The following FBXO11 variants were observed in gnomAD, a reference collection of about 807,000 sequenced individuals.
FBXO11 encodes F-box protein 11.
A neutral mutation model predicts 117.0 loss-of-function variants in FBXO11; 13 were observed. The observed-to-expected ratio is 0.11, with a 90% confidence interval of 0.07 to 0.18. FBXO11 has a LOEUF of 0.18. Ranked by LOEUF, FBXO11 falls within the 10% of genes least tolerant of loss-of-function variation. The pLI is 1.00. For synonymous variants in FBXO11, 490 were observed against 380.5 expected (o/e 1.29, Z -3.35); for missense variants, 767 against 1,164.4 (o/e 0.66, Z 4.97).
At chr2:47,904,798 ATATT>A (rs978476548) in intron 1 of FBXO11, among the ~76,000 whole-genome samples, 1 of 151,936 alleles carries the variant, frequency 6.6e-6, no homozygotes, top group Non-Finnish European at 1.5e-5. Flanking sequence ...GATGGATTCT[ATATT>A]TATTTATTTA....
chr2:47,818,338 T>A (rs1222639412), intron 16 of FBXO11: 1 of 154,890 alleles, frequency 6.5e-6, no homozygotes, highest in Non-Finnish European at 1.4e-5. Flanking sequence ...AGCCAGTATA[T>A]GATCATTAGT....
Position 47,845,621 on chromosome 2 carries a change from C to A in FBXO11, c.233-5852G>T, listed in dbSNP as rs554974487. Among the ~76,000 whole-genome samples the A allele has an allele frequency of 6.6e-4, 100 of 152,148 alleles. No individual in the cohort carries two copies. The Middle Eastern group carries it at 0.01, about 16-fold the overall frequency. On this transcript the variant is annotated intron_variant, in intron 1 of 22. Transcript: ENST00000403359. ...AACTCCTGTAGTACTGAATATATAC[C>A]GTATATACCTTACTATACCTTAGCT...
At chr2:47,875,072 C>G (rs550824233) in intron 1 of FBXO11, among the ~76,000 whole-genome samples, 80 of 152,150 alleles carry the variant, frequency 5.3e-4, no homozygotes, top group African/African-American at 1.9e-3. Flanking sequence ...TGCTCAATTT[C>G]ACTATCATTA....
At chr2:47,817,811 G>A (rs1398660920) in intron 16 of FBXO11, among the ~76,000 whole-genome samples, 4 of 152,322 alleles carry the variant, frequency 2.6e-5, no homozygotes, top group Middle Eastern at 3.4e-3. Context: ...TATCTTGGGC[G>A]CAGTTAATGG....
At chr2:47,810,660 G>A (rs577251863) in intron 18 of FBXO11, 6 of 400,090 alleles carry the variant, frequency 1.5e-5, no homozygotes, top group Non-Finnish European at 2.7e-5. Context: ...CTCCATGATA[G>A]CAGGGTCCAT....
intron 1 of FBXO11, among the ~76,000 whole-genome samples, chr2:47,888,362 T>C (rs1238598377): frequency 6.6e-6 from 1 of 152,188 alleles, no homozygotes; most frequent in Non-Finnish European, 1.5e-5. Flanking sequence ...TCCTTCTATT[T>C]CAAACATTCT....
rs952391395 is a variant in FBXO11, at chr2:47,820,291, C to T, written c.1797+71G>A. ...AAGTTGAATATGGCCTACCTAAAAGCTTGAGGAGAAACCCTTTATCCCCCT... is the reference window on the plus strand; with the variant it reads ...AAGTTGAATATGGCCTACCTAAAAGTTTGAGGAGAAACCCTTTATCCCCCT... On this transcript the variant is annotated intron_variant, in intron 14 of 22. Coordinates refer to ENST00000403359, the MANE Select transcript of FBXO11 (RefSeq NM_001190274.2). 54 of 1,203,548 alleles carry T rather than the reference C, an allele frequency of 4.5e-5. No individual in the cohort carries two copies. The Middle Eastern group carries it at 9.8e-4, about 22-fold the overall frequency. 74.6% of individuals were successfully genotyped at this position (1,203,548 alleles called of 1,614,324 possible).
intron 1 of FBXO11, among the ~76,000 whole-genome samples, chr2:47,853,605 A>G (rs1389474794): frequency 6.6e-6 from 1 of 152,148 alleles, no homozygotes; most frequent in Non-Finnish European, 1.5e-5. Flanking sequence ...GTTATCTTGC[A>G]TAAGTACCTT....
chr2:47,866,946 T>C (rs1265477964), intron 1 of FBXO11, among the ~76,000 whole-genome samples: 1 of 152,230 alleles, frequency 6.6e-6, no homozygotes, highest in African/African-American at 2.4e-5. Context: ...TTGTGTTCTC[T>C]GGCATCTTTT....
chr2:47,821,339 G>A (rs543064611), intron 13 of FBXO11, among the ~76,000 whole-genome samples: 7 of 152,194 alleles, frequency 4.6e-5, no homozygotes, highest in African/African-American at 9.6e-5. Context: ...GGCCAGGCGC[G>A]GTGGCTCACA....
At chr2:47,859,756 G>T (rs956853670) in intron 1 of FBXO11, among the ~76,000 whole-genome samples, 2 of 152,026 alleles carry the variant, frequency 1.3e-5, no homozygotes, top group African/African-American at 4.8e-5. Flanking sequence ...CAATTATGTT[G>T]TCTTTTAAGA....
intron 13 of FBXO11, among the ~76,000 whole-genome samples, chr2:47,820,818 A>G (rs965635931): frequency 6.6e-5 from 10 of 152,158 alleles, no homozygotes; most frequent in African/African-American, 2.4e-4. Context: ...TGTGAGTATT[A>G]TATGACTTAA....
At chr2:47,882,812 C>T (rs1483168271) in intron 1 of FBXO11, among the ~76,000 whole-genome samples, 5 of 152,104 alleles carry the variant, frequency 3.3e-5, no homozygotes, top group Admixed American at 6.6e-5. Context: ...CCACCACACC[C>T]GGCTAATTTT....
Position 47,900,623 on chromosome 2 carries a change from CGTAT to C in FBXO11, c.232+4862_232+4865del, listed in dbSNP as rs1558486433. On this transcript the variant is annotated intron_variant, in intron 1 of 22. Transcript: ENST00000403359. ...ACACGTATACACACGTATATACACA[CGTAT>C]ACACACACGTACGTATATACACACG... is the stretch of plus-strand genomic sequence containing the variant. 4.6e-4 allele frequency among the ~76,000 whole-genome samples: 25 copies of C among 53,984 alleles called. 4 individuals carry two copies. Among genetic ancestry groups the C allele is most frequent in the Admixed American group, 1.9e-3 (11 of 5,746 alleles). The allele number at this position is 53,984 out of a possible 152,430, so 35.4% of individuals were successfully genotyped here. A position where few individuals can be genotyped will look rare whatever the true frequency, so the allele number is the denominator to read the frequency against.
chr2:47,821,853 A>G (rs906894533), intron 13 of FBXO11, among the ~76,000 whole-genome samples: 1 of 152,146 alleles, frequency 6.6e-6, no homozygotes, highest in African/African-American at 2.4e-5. Context: ...GAATTTTGGG[A>G]GACCAAGGCG....
Position 47,818,813 on chromosome 2 carries a change from T to C in FBXO11, c.1972A>G (p.Ile658Val), listed in dbSNP as rs1671184971. 2 of 1,588,124 alleles carry C rather than the reference T, an allele frequency of 1.3e-6. No homozygotes were observed. The highest frequency in any genetic ancestry group is 1.7e-6 in the Non-Finnish European group (2 of 1,172,908). ...NGHGVLEDND[I>V]YNHMYSGVQI... ...ACCCCTGAATACATATGATTATAGA[T>C]ATCATTGTCTTCTAGCACTCCATGT... Residue 658 changes from isoleucine to valine, a missense_variant, in exon 16 of 23, where the codon ATC becomes GTC. This residue lies in a region of FBXO11 where 42 missense variants were observed against 216.8 expected (regional missense o/e 0.19). Transcript: ENST00000403359.
At chr2:47,827,133 C>T (rs947297360) in intron 11 of FBXO11, among the ~76,000 whole-genome samples, 3 of 152,138 alleles carry the variant, frequency 2.0e-5, no homozygotes, top group African/African-American at 7.2e-5. Flanking sequence ...AATAAAGCAG[C>T]AAAAAGTTTT....
In FBXO11 at chr2:47,808,353, T is replaced by A; in HGVS notation, c.2630A>T (p.Asp877Val). ...CCTATCATGTCTAATAAACTCTACA[T>A]CATGTCCCTGATGGCACTTCTTAAT... ...NCIKKCHQGH[D>V]VEFIRHDRFF... Residue 877 changes from aspartate (D) to valine (V), a missense_variant, in exon 22 of 23, where the codon GAT (aspartate) becomes GTT (valine). Asp to Val is a radical substitution (Grantham distance 152, BLOSUM62 -3). Around this residue, in one of 10 missense-constraint regions of FBXO11, gnomAD observed 47 missense variants for 117.3 expected, o/e 0.40. Transcript: ENST00000403359. 6.2e-7 allele frequency: 1 copy of A among 1,612,556 alleles called. No individual in the cohort carries two copies. Among genetic ancestry groups the A allele is most frequent in the Non-Finnish European group, 8.5e-7 (1 of 1,179,154 alleles).
chr2:47,870,666 T>G (rs1294377888), intron 1 of FBXO11, among the ~76,000 whole-genome samples: 4 of 152,334 alleles, frequency 2.6e-5, no homozygotes, highest in African/African-American at 4.8e-5. Context: ...TGCTGCTACT[T>G]TGATTTTAAA....
Sources: gnomAD v4.1 joint callset for allele counts (sites outside exome capture counted in the v4.1 genomes callset) on GRCh38, gnomAD v4.1.1 for gene constraint, gnomAD v4.1.1 regional missense constraint, MANE v1.5 for transcripts, NCBI Gene and HGNC (gene_info 2026-07-23, HGNC 2026-07-21) for gene names.